Variants in C5orf63 observed in about 807,000 individuals in gnomAD.
C5orf63 encodes chromosome 5 open reading frame 63.
Under a neutral mutation model 13.3 loss-of-function variants are expected in C5orf63, and 18 were observed. The observed-to-expected ratio is 1.36, with a 90% CI of 0.94 to 2.01. The LOEUF (loss-of-function observed/expected upper bound fraction) is 2.01. Ranked by LOEUF, C5orf63 falls within the 30% of genes most tolerant of loss-of-function variation. C5orf63 has a pLI of 0.00. For synonymous variants in C5orf63, 38 were observed against 44.7 expected, an observed-to-expected ratio of 0.85 and a Z score of 0.60; for missense variants, 118 against 127.7, an observed-to-expected ratio of 0.92 and a Z score of 0.36.
Position 127,053,753 on chromosome 5 carries a change from G to A in C5orf63, c.115-1084C>T, listed in dbSNP as rs551306662. On this transcript the variant is annotated intron_variant, in intron 3 of 4. Transcript: ENST00000296662. ...CCAGCTTCATCCATGTACCTACAAAGGACATGAACTCATCCTTTTTTATGG... is the reference window on the plus strand; with the variant it reads ...CCAGCTTCATCCATGTACCTACAAAAGACATGAACTCATCCTTTTTTATGG... Among the ~76,000 whole-genome samples the A allele has an allele frequency of 5.9e-5, 9 of 152,330 alleles. No homozygotes were observed. The South Asian group carries it at 1.9e-3, about 32-fold the overall frequency.
At chr5:127,047,385 TACTTGAC>T (rs575280171), downstream of C5orf63, 66 of 288,042 alleles carry the variant, frequency 2.3e-4, no homozygotes, top group South Asian at 5.0e-3. Context: ...ATAACACTGA[TACTTGAC>T]AGTGGGATAA....
chr5:127,046,637 G>A (rs1240557862), downstream of C5orf63: 1 of 152,240 alleles, frequency 6.6e-6, no homozygotes, highest in Admixed American at 6.5e-5. Context: ...TCCATAGCCA[G>A]TTGGCCCAGG....
At chr5:127,053,514 A>G (rs953147127) in intron 3 of C5orf63, among the ~76,000 whole-genome samples, 1 of 152,026 alleles carries the variant, frequency 6.6e-6, no homozygotes, top group Non-Finnish European at 1.5e-5. Context: ...TACATGTGCC[A>G]TGTTGGTTTG....
Position 127,051,593 on chromosome 5 carries a change from A to C in C5orf63, c.*178T>G. On this transcript the variant is annotated 3_prime_UTR_variant, in exon 5 of 5. Transcript: ENST00000296662. ...TTTTATAAAATGCCATTAAGCAAAC[A>C]GTTCCCACACTGATACTTCCATCAA... 1 of 1,251,274 alleles carries C rather than the reference A, an allele frequency of 8.0e-7. No individual in the cohort carries two copies. Among genetic ancestry groups the C allele is most frequent in the Admixed American group, 4.0e-5 (1 of 25,242 alleles). The allele number at this position is 1,251,274 out of a possible 1,614,324, so 77.5% of individuals were successfully genotyped here.
rs6595748 is a variant in C5orf63 at position 127,068,523 on chromosome 5, T to C, written c.-8+3061A>G. Among the ~76,000 whole-genome samples, 996 of 152,196 alleles carry C rather than the reference T, an allele frequency of 6.5e-3. 13 individuals are homozygous for C. Among genetic ancestry groups the C allele is most frequent in the African/African-American group, 0.022 (901 of 41,540 alleles). The stretch of plus-strand genomic sequence containing the variant: ...TGGAACTCTCCCTACAAAGAAAAAA[T>C]AATGAATTTCTCTTTCTTACTATTA... On this transcript the variant is annotated intron_variant, in intron 2 of 4. Transcript: ENST00000296662.
chr5:127,061,749 T>C (rs1220862485), intron 2 of C5orf63, among the ~76,000 whole-genome samples: 2 of 152,226 alleles, frequency 1.3e-5, no homozygotes, highest in East Asian at 3.8e-4. Context: ...ATGTTTACTC[T>C]AGGTAGAAAC....
At chr5:127,060,253 G>A (rs989596969) in intron 2 of C5orf63, among the ~76,000 whole-genome samples, 4 of 152,146 alleles carry the variant, frequency 2.6e-5, no homozygotes, top group Non-Finnish European at 2.9e-5. Flanking sequence ...CTTAAGAAGT[G>A]TTTCAAAAGG....
At chr5:127,052,065 G>T in intron 4 of C5orf63, 118 bp from the exon 5 acceptor site, 1 of 826,378 alleles carries the variant, frequency 1.2e-6, no homozygotes, top group Non-Finnish European at 1.7e-6. Flanking sequence ...TTGTTTGTTT[G>T]TTTTAGGTCC....
At position 127,058,901 on chromosome 5, in the gene C5orf63, A is replaced by T; in HGVS notation, c.95T>A (p.Val32Glu). 3 of 1,536,116 alleles carry T rather than the reference A, an allele frequency of 2.0e-6. No individual in the cohort carries two copies. The highest frequency in any genetic ancestry group is 2.6e-6 in the Non-Finnish European group (3 of 1,145,844). ...TTGTACCTTTGTGAATAAGGTCAAC[A>T]CAGGCAGAGTTGTCTTAGAGGCAGA... ...NCSASKTTLPVLTLFTKDPCP... is the reference protein window; with the variant it reads ...NCSASKTTLPELTLFTKDPCP... Residue 32 changes from valine (V) to glutamate (E), a missense_variant, in exon 3 of 5, where the codon GTG becomes GAG. Physicochemically the swap from Val to Glu is moderately radical, Grantham distance 121. Coordinates refer to ENST00000296662, the MANE Select transcript of C5orf63 (RefSeq NM_001164478.2).
chr5:127,060,590 A>G (rs1397402953), intron 2 of C5orf63, among the ~76,000 whole-genome samples: 1 of 152,166 alleles, frequency 6.6e-6, no homozygotes, highest in Non-Finnish European at 1.5e-5. Context: ...TCATTTTTAA[A>G]CTTTGCTTTA....
chr5:127,060,233 T>G (rs755836810), intron 2 of C5orf63, among the ~76,000 whole-genome samples: 11 of 152,188 alleles, frequency 7.2e-5, no homozygotes, highest in Non-Finnish European at 1.3e-4. Context: ...AAAAAAAATC[T>G]ACTCAACTCC....
intron 2 of C5orf63, among the ~76,000 whole-genome samples, chr5:127,064,604 C>T (rs750763812): frequency 2.0e-5 from 3 of 152,152 alleles, no homozygotes; most frequent in Non-Finnish European, 4.4e-5. Context: ...CTCCTCATAC[C>T]ACTCCCTCTA....
chr5:127,064,587 G>GACGC, intron 2 of C5orf63, among the ~76,000 whole-genome samples: 1 of 152,324 alleles, frequency 6.6e-6, no homozygotes, highest in Non-Finnish European at 1.5e-5. Context: ...TGGGGACTGA[G>GACGC]ACGCAGCTCC....
At chr5:127,047,096 G>A (rs1198669552), downstream of C5orf63, 1 of 152,354 alleles carries the variant, frequency 6.6e-6, no homozygotes. Context: ...ATGTGTTCCA[G>A]TAAGCTCATA....
chr5:127,060,071 G>A (rs1003413859), intron 2 of C5orf63, among the ~76,000 whole-genome samples: 4 of 152,146 alleles, frequency 2.6e-5, no homozygotes, highest in African/African-American at 9.7e-5. Context: ...CTGGGAGGTG[G>A]AGGTTGCAGT....
chr5:127,055,246 G>GA (rs1317045588), intron 3 of C5orf63, among the ~76,000 whole-genome samples: 1 of 152,066 alleles, frequency 6.6e-6, no homozygotes, highest in African/African-American at 2.4e-5. Context: ...CACAGAATTG[G>GA]AAAAAACTAC....
intron 2 of C5orf63, 123 bp downstream of exon 2, chr5:127,071,461 C>T (rs938201585): frequency 1.3e-5 from 2 of 152,194 alleles, no homozygotes; most frequent in African/African-American, 4.8e-5. Flanking sequence ...CTAAGATAAA[C>T]TTAGCCAAAA....
intron 3 of C5orf63, among the ~76,000 whole-genome samples, chr5:127,055,683 C>T (rs1753856862): frequency 6.6e-6 from 1 of 151,888 alleles, no homozygotes; most frequent in African/African-American, 2.4e-5. Flanking sequence ...GATAAACATC[C>T]TAAAATTTTC....
chr5:127,051,267 T>C, downstream of C5orf63: 2 of 1,187,026 alleles, frequency 1.7e-6, no homozygotes, highest in Non-Finnish European at 2.1e-6. Context: ...TTTAAACAGG[T>C]ATTATTAAAT....
Sources: gnomAD v4.1 joint callset for allele counts (sites outside exome capture counted in the v4.1 genomes callset) on GRCh38, gnomAD v4.1.1 for gene constraint, MANE v1.5 for transcripts, NCBI Gene and HGNC (gene_info 2026-07-23, HGNC 2026-07-21) for gene names.